EPB41L5: variants seen among roughly 807,000 people sequenced by gnomAD.
The protein encoded by EPB41L5 is band 4.1-like protein 5.
A neutral mutation model predicts 106.6 loss-of-function variants in EPB41L5; 55 were observed. That is an observed-to-expected ratio of 0.52 (90% confidence interval 0.42 to 0.65). The LOEUF is 0.65. EPB41L5 is among the 30% of genes least tolerant of loss of function. The probability of loss-of-function intolerance (pLI) is 0.00; values close to 1 mark genes in which losing one functional copy is unlikely to be tolerated. For missense variants in EPB41L5, 871 were observed against 882.1 expected (o/e 0.99, Z 0.16); for synonymous variants, 297 against 306.7 (o/e 0.97, Z 0.33).
Position 120,091,556 on chromosome 2 carries a change from G to A in EPB41L5, c.1045G>A (p.Gly349Arg), listed in dbSNP as rs1187282318. 1.9e-6 allele frequency: 3 copies of A among 1,612,364 alleles called. No individual in the cohort carries two copies. In the East Asian group the frequency reaches 6.7e-5, roughly 36 times the overall value. ...IRLGSRFRYS[G>R]KTEYQTTKTN... is the part of the protein sequence containing the mutation. The stretch of plus-strand genomic sequence containing the variant: ...TTACTTCTGTTATGCCTCATTTAGT[G>A]GGAAAACAGAGTATCAGACCACAAA... The change falls in exon 13 of 25, where the codon GGG becomes AGG. Residue 349 changes from glycine to arginine, a missense_variant and splice_region_variant. Transcript: ENST00000263713.
chr2:120,092,897 G>T (rs902426880), intron 13 of EPB41L5, among the ~76,000 whole-genome samples: 3 of 152,146 alleles, frequency 2.0e-5, no homozygotes, highest in Non-Finnish European at 4.4e-5. Flanking sequence ...TGCCATTGTT[G>T]CCTCTATGGT....
intron 10 of EPB41L5, 89 bp from the exon 11 acceptor site, chr2:120,087,082 G>GT: frequency 1.3e-6 from 1 of 770,842 alleles, no homozygotes; most frequent in Non-Finnish European, 2.1e-6. Flanking sequence ...GAGTTAGATG[G>GT]TTAAATGTAT....
intron 20 of EPB41L5, among the ~76,000 whole-genome samples, chr2:120,158,282 A>G (rs573562921): frequency 2.6e-5 from 4 of 152,320 alleles, no homozygotes; most frequent in South Asian, 2.1e-4. Context: ...ACACCTGGCA[A>G]TGACACAACA....
intron 16 of EPB41L5, among the ~76,000 whole-genome samples, chr2:120,101,919 G>A (rs189508570): frequency 3.9e-4 from 59 of 152,140 alleles, no homozygotes; most frequent in Middle Eastern, 6.8e-3. Flanking sequence ...GTATATTTGT[G>A]TGCATCTGGG....
intron 20 of EPB41L5, among the ~76,000 whole-genome samples, chr2:120,149,890 T>A (rs1686590592): frequency 7.3e-6 from 1 of 136,084 alleles, no homozygotes; most frequent in African/African-American, 2.6e-5. Context: ...TATTTCACTG[T>A]ACTTTTTTTT....
At chr2:120,106,541 G>T (rs1684463515) in intron 16 of EPB41L5, 1 of 985,282 alleles carries the variant, frequency 1.0e-6, no homozygotes, top group African/African-American at 1.7e-5. Flanking sequence ...ATAACCTCCA[G>T]AAGCACCTTA....
At position 120,167,490 on chromosome 2, in the gene EPB41L5, C is replaced by T. The variant is rs1310282904; in HGVS notation, c.1987C>T (p.Pro663Ser). The T allele has an allele frequency of 1.2e-6, 2 of 1,613,930 alleles. No homozygotes were observed. Among genetic ancestry groups the T allele is most frequent in the Admixed American group, 3.3e-5 (2 of 60,026 alleles). Residue 663 changes from proline (P) to serine (S), a missense_variant, in exon 23 of 25, where the codon CCC becomes TCC. Pro to Ser is a moderately conservative substitution (Grantham distance 74). Transcript: ENST00000263713. ...PQVSSTSMIT[P>S]RWIVPQSGAM... ...GGTGTCTTCCACATCCATGATCACA[C>T]CCCGGTGGATTGTTCCGGTAAGTTC... is the stretch of plus-strand genomic sequence containing the variant.
intron 10 of EPB41L5, among the ~76,000 whole-genome samples, chr2:120,085,654 A>G (rs951884626): frequency 2.6e-5 from 4 of 152,104 alleles, no homozygotes; most frequent in Non-Finnish European, 5.9e-5. Context: ...TTAGTTTTGC[A>G]TCTGGGTGTT....
intron 3 of EPB41L5, among the ~76,000 whole-genome samples, chr2:120,050,961 T>TGCAGAACA (rs1403562979): frequency 6.6e-6 from 1 of 152,238 alleles, no homozygotes; most frequent in African/African-American, 2.4e-5. Context: ...CAGCGGAGGC[T>TGCAGAACA]GCAGAACAGT....
intron 14 of EPB41L5, among the ~76,000 whole-genome samples, chr2:120,095,368 T>A (rs1002580318): frequency 3.9e-5 from 6 of 152,092 alleles, no homozygotes; most frequent in Admixed American, 3.3e-4. Context: ...AGTCTGGAAG[T>A]TTTTACCCAT....
intron 24 of EPB41L5, among the ~76,000 whole-genome samples, chr2:120,172,009 TAAAAAA>T (rs753429042): frequency 1.8e-5 from 2 of 109,222 alleles, no homozygotes; most frequent in African/African-American, 6.0e-5. Context: ...ACAGGAAACT[TAAAAAA>T]AAAAAAAGGA....
At chr2:120,129,219 C>T (rs994863459) in intron 17 of EPB41L5, among the ~76,000 whole-genome samples, 3 of 151,898 alleles carry the variant, frequency 2.0e-5, no homozygotes, top group African/African-American at 7.3e-5. Context: ...GTCTGCAATC[C>T]CAGCTACTCG....
chr2:120,063,270 A>T (rs1172719378), intron 3 of EPB41L5, among the ~76,000 whole-genome samples: 33 of 149,434 alleles, frequency 2.2e-4, no homozygotes, highest in Admixed American at 2.1e-3. Flanking sequence ...TGAACTAGGG[A>T]GGCAGAGGTT....
In EPB41L5 at chr2:120,178,461, CTT is replaced by C. The variant is rs1687993145; in HGVS notation, c.*3556_*3557del. ...TTGTGGGTGTCTCAGCTCTGAGGGTCTTTGTGAGTTCCCACCAACTTTTAATT... is the reference window on the plus strand; with the variant it reads ...TTGTGGGTGTCTCAGCTCTGAGGGTCTGTGAGTTCCCACCAACTTTTAATT... On this transcript the variant is annotated 3_prime_UTR_variant, in exon 25 of 25. Coordinates refer to ENST00000263713, the MANE Select transcript of EPB41L5 (RefSeq NM_020909.4). 6.6e-6 allele frequency: 1 copy of C among 152,184 alleles called. No individual in the cohort carries two copies. The highest frequency in any genetic ancestry group is 1.5e-5 in the Non-Finnish European group (1 of 68,040). 9.4% of individuals were successfully genotyped at this position (152,184 alleles called of 1,614,324 possible).
intron 10 of EPB41L5, among the ~76,000 whole-genome samples, chr2:120,086,129 A>G (rs1203937014): frequency 6.6e-6 from 1 of 152,138 alleles, no homozygotes; most frequent in East Asian, 1.9e-4. Flanking sequence ...TGAACCTGGG[A>G]GGTGGAGGTT....
chr2:120,042,463 G>A (rs1031897886), intron 3 of EPB41L5, among the ~76,000 whole-genome samples: 2 of 152,132 alleles, frequency 1.3e-5, no homozygotes, highest in African/African-American at 4.8e-5. Context: ...GGGCTCTTGG[G>A]TAAACAATAG....
intron 3 of EPB41L5, 35 bp from the exon 4 acceptor site, chr2:120,073,143 A>T (rs754923935): frequency 1.3e-6 from 2 of 1,591,098 alleles, no homozygotes; most frequent in Admixed American, 3.6e-5. Context: ...AAGTTCTGTC[A>T]TCTGCTTAAC....
chr2:120,049,898 G>T (rs1271060979), intron 3 of EPB41L5, among the ~76,000 whole-genome samples: 5 of 152,216 alleles, frequency 3.3e-5, no homozygotes, highest in East Asian at 1.9e-4. Context: ...GTCTGTAAAG[G>T]ATTTTATTTC....
chr2:120,162,991 C>T (rs567338899), intron 21 of EPB41L5, among the ~76,000 whole-genome samples: 1 of 152,282 alleles, frequency 6.6e-6, no homozygotes, highest in African/African-American at 2.4e-5. Context: ...TGTGGTGGCT[C>T]ATGCCTATAA....
Sources: allele counts gnomAD v4.1 joint callset (sites outside exome capture counted in the v4.1 genomes callset), GRCh38; gene constraint gnomAD v4.1.1; transcripts MANE v1.5; gene names NCBI Gene and HGNC (gene_info 2026-07-23, HGNC 2026-07-21).